C11orf42: variants seen among roughly 807,000 people sequenced by gnomAD.
The protein encoded by C11orf42 is chromosome 11 open reading frame 42.
Under a neutral mutation model 27.9 loss-of-function variants are expected in C11orf42, and 24 were observed. The ratio of observed to expected loss-of-function variants is 0.86; its 90% CI spans 0.62 to 1.21. The LOEUF is 1.21. Ranked by LOEUF, C11orf42 falls within the 50% of genes most tolerant of loss-of-function variation. The pLI, the probability that C11orf42 is intolerant of heterozygous loss-of-function variation, is 0.00. For missense variants in C11orf42, 455 were observed against 424.1 expected (o/e 1.07, Z -0.64); for synonymous variants, 187 against 180.8 (o/e 1.03, Z -0.28).
chr11:6,210,366 T>C lies in C11orf42; in HGVS notation c.589T>C (p.Cys197Arg). The C allele has an allele frequency of 1.2e-6, 2 of 1,614,200 alleles. No individual in the cohort carries two copies. The highest frequency in any genetic ancestry group is 1.7e-6 in the Non-Finnish European group (2 of 1,180,028). Residue 197 changes from cysteine (C) to arginine (R), a missense_variant, in exon 2 of 3, where the codon TGC becomes CGC. Cys to Arg is a radical substitution (Grantham distance 180, BLOSUM62 -3). Coordinates refer to ENST00000316375, the MANE Select transcript of C11orf42 (RefSeq NM_173525.3). The surrounding 1 kb of genome is among the most constrained non-coding windows in gnomAD (Gnocchi z 4.0). ...LLRSLPVAFSCLKFSLQSKGV... is the reference protein window; with the variant it reads ...LLRSLPVAFSRLKFSLQSKGV... ...TCGGTCATTACCTGTTGCCTTCTCC[T>C]GCCTCAAGTTTTCACTGCAGTCTAA...
intron 1 of C11orf42, among the ~76,000 whole-genome samples, chr11:6,207,217 G>C (rs1365422981): frequency 2.0e-5 from 3 of 152,144 alleles, no homozygotes; most frequent in Non-Finnish European, 4.4e-5. Flanking sequence ...CCCTAACAAA[G>C]AACCGAGCTC....
chr11:6,208,697 GA>G (rs1285289055), intron 1 of C11orf42, among the ~76,000 whole-genome samples: 1 of 152,142 alleles, frequency 6.6e-6, no homozygotes, highest in African/African-American at 2.4e-5. Context: ...AAAGTGCTGG[GA>G]TTATAGGCAT....
At chr11:6,206,029 G>A (rs1284598937) in intron 1 of C11orf42, among the ~76,000 whole-genome samples, 1 of 152,026 alleles carries the variant, frequency 6.6e-6, no homozygotes, top group African/African-American at 2.4e-5. Flanking sequence ...ACACAAAGAG[G>A]GAGAGGAGAA....
chr11:6,208,535 TCCTG>T (rs1305013703), intron 1 of C11orf42, among the ~76,000 whole-genome samples: 1 of 152,196 alleles, frequency 6.6e-6, no homozygotes, highest in African/African-American at 2.4e-5. Flanking sequence ...CAAGCAATTC[TCCTG>T]CCTCAGTATC....
Position 6,210,221 on chromosome 11 carries a change from G to C in C11orf42, c.444G>C (p.Gln148His), listed in dbSNP as rs1275720069. The part of the protein sequence containing the change: ...LLPPGQVSLQ[Q>H]TLPWLRSTHS... ...CACCAGGGCAGGTGAGCCTACAGCA[G>C]ACTCTTCCCTGGCTCCGAAGCACCC... Residue 148 changes from glutamine (Q) to histidine (H), a missense_variant, in exon 2 of 3, where the codon CAG becomes CAC. Physicochemically the swap from Gln to His is conservative, Grantham distance 24 (BLOSUM62 0). Transcript: ENST00000316375. This position sits in a 1 kb window ranked among gnomAD's most constrained non-coding sequence, Gnocchi z 4.0. 1 of 1,614,248 alleles carries C rather than the reference G, an allele frequency of 6.2e-7. No homozygotes were observed. The highest frequency in any genetic ancestry group is 1.7e-5 in the Admixed American group (1 of 60,036).
At chr11:6,208,004 G>A (rs930553241) in intron 1 of C11orf42, among the ~76,000 whole-genome samples, 2 of 152,182 alleles carry the variant, frequency 1.3e-5, no homozygotes, top group African/African-American at 4.8e-5. Flanking sequence ...GATGCCCAAA[G>A]AGGAAATTCT....
At position 6,210,778 on chromosome 11, in the gene C11orf42, G is replaced by A. The variant is rs745941217; in HGVS notation, c.871+130G>A. The A allele has an allele frequency of 1.3e-4, 180 of 1,385,734 alleles. No homozygotes were observed. Among genetic ancestry groups the A allele is most frequent in the Non-Finnish European group, 1.7e-4 (173 of 1,025,108 alleles). 85.8% of individuals were successfully genotyped at this position (1,385,734 alleles called of 1,614,324 possible). On this transcript the variant is annotated intron_variant, in intron 2 of 2. Coordinates refer to ENST00000316375, the MANE Select transcript of C11orf42 (RefSeq NM_173525.3). This position sits in a 1 kb window ranked among gnomAD's most constrained non-coding sequence, Gnocchi z 4.0. ...CTCTGGTGAAAGAGATGGAATGAGG[G>A]AGACTGGGGAGGGTGAGATGGAATG...
rs756239907 is a variant in C11orf42 at position 6,211,040 on chromosome 11, T to A, written c.1000T>A (p.Ter334ArgextTer2). The A allele has an allele frequency of 4.3e-6, 7 of 1,610,150 alleles. No individual in the cohort carries two copies. Among genetic ancestry groups the A allele is most frequent in the Non-Finnish European group, 5.9e-6 (7 of 1,178,768 alleles). ...ATCCTCAGAGTTCGACAGTGACGAC[T>A]GAAGCTGAAGCAAAAGATTCCGGGG... ...GLSSEFDSDD[*>R] Residue 334 changes from the stop codon to arginine, a stop_lost, in exon 3 of 3, where the codon TGA (stop) becomes AGA (arginine). Coordinates refer to ENST00000316375, the MANE Select transcript of C11orf42 (RefSeq NM_173525.3).
chr11:6,205,770 G>A (rs945717047), intron 1 of C11orf42, 83 bp downstream of exon 1: 1 of 1,139,170 alleles, frequency 8.8e-7, no homozygotes, highest in Non-Finnish European at 1.3e-6. Flanking sequence ...GGAAGGGGTG[G>A]GAAGTCTGAA....
chr11:6,209,250 G>T (rs552154785), intron 1 of C11orf42, among the ~76,000 whole-genome samples: 1 of 151,798 alleles, frequency 6.6e-6, no homozygotes, highest in East Asian at 1.9e-4. Flanking sequence ...AGGCCTTCAG[G>T]CGGCTTCCCA....
At chr11:6,208,709 G>A (rs11040804) in intron 1 of C11orf42, among the ~76,000 whole-genome samples, 25,600 of 152,170 alleles carry the variant, frequency 0.17, 2,677 homozygotes, top group Middle Eastern at 0.31. Flanking sequence ...TTATAGGCAT[G>A]AGCCAGGGTG....
At position 6,210,070 on chromosome 11, in the gene C11orf42, G is replaced by A. The variant is rs148934108; in HGVS notation, c.293G>A (p.Arg98Gln). The A allele has an allele frequency of 5.1e-5, 83 of 1,614,088 alleles. No homozygotes were observed. Among genetic ancestry groups the A allele is most frequent in the Non-Finnish European group, 5.7e-5 (67 of 1,180,052 alleles). The stretch of plus-strand genomic sequence containing the variant: ...GAGGGTGCCTTCGCCCACTGCACTC[G>A]GGAATACTCACCAAATGGCCGAGCA... ...GSEGAFAHCT[R>Q]EYSPNGRAER... The change falls in exon 2 of 3, where the codon CGG (arginine) becomes CAG (glutamine). Residue 98 changes from arginine (R) to glutamine (Q), a missense_variant. Coordinates refer to ENST00000316375, the MANE Select transcript of C11orf42 (RefSeq NM_173525.3). This position sits in a 1 kb window ranked among gnomAD's most constrained non-coding sequence, Gnocchi z 4.0.
Position 6,210,080 on chromosome 11 carries a change from A to G in C11orf42, c.303A>G (p.Ser101=). The stretch of plus-strand genomic sequence containing the variant: ...TCGCCCACTGCACTCGGGAATACTC[A>G]CCAAATGGCCGAGCAGAGAGAGCCT... ...GAFAHCTREY[S]PNGRAERAYE... is the part of the protein sequence containing the mutation. The change falls in exon 2 of 3, where the codon TCA becomes TCG. Residue 101 remains serine, a synonymous_variant. Coordinates refer to ENST00000316375, the MANE Select transcript of C11orf42 (RefSeq NM_173525.3). The surrounding 1 kb of genome is among the most constrained non-coding windows in gnomAD (Gnocchi z 4.0). 1 of 1,614,210 alleles carries G rather than the reference A, an allele frequency of 6.2e-7. No individual in the cohort carries two copies. Among genetic ancestry groups the G allele is most frequent in the Non-Finnish European group, 8.5e-7 (1 of 1,180,040 alleles).
rs771277597 is a variant in C11orf42, at chr11:6,210,905, C to T, written c.872-7C>T. 1 of 1,601,008 alleles carries T rather than the reference C, an allele frequency of 6.2e-7. No individual in the cohort carries two copies. Among genetic ancestry groups the T allele is most frequent in the East Asian group, 2.3e-5 (1 of 44,424 alleles). The stretch of plus-strand genomic sequence containing the variant: ...AGTCAAGCTGTGACTATCCCCAACC[C>T]TGGCAGAGAACTGGCTCTTCAGCCC... On this transcript the variant is annotated splice_polypyrimidine_tract_variant and splice_region_variant and intron_variant, in intron 2 of 2. Coordinates refer to ENST00000316375, the MANE Select transcript of C11orf42 (RefSeq NM_173525.3). This position sits in a 1 kb window ranked among gnomAD's most constrained non-coding sequence, Gnocchi z 4.0.
Position 6,210,188 on chromosome 11 carries a change from G to C in C11orf42, c.411G>C (p.Leu137=). 1.2e-6 allele frequency: 2 copies of C among 1,614,204 alleles called. No homozygotes were observed. The highest frequency in any genetic ancestry group is 1.7e-6 in the Non-Finnish European group (2 of 1,180,022). ...MGDLRKKVAF[L]LLPPGQVSLQ... ...ACCTGCGCAAGAAGGTTGCCTTCCTGTTGCTGCCACCAGGGCAGGTGAGCC... is the reference window on the plus strand; with the variant it reads ...ACCTGCGCAAGAAGGTTGCCTTCCTCTTGCTGCCACCAGGGCAGGTGAGCC... Residue 137 remains leucine (L), a synonymous_variant, in exon 2 of 3, where the codon CTG becomes CTC. Coordinates refer to ENST00000316375, the MANE Select transcript of C11orf42 (RefSeq NM_173525.3). The surrounding 1 kb of genome is among the most constrained non-coding windows in gnomAD (Gnocchi z 4.0).
chr11:6,206,161 A>AGGAGTT (rs1772411148), intron 1 of C11orf42, among the ~76,000 whole-genome samples: 1 of 152,096 alleles, frequency 6.6e-6, no homozygotes, highest in Admixed American at 6.5e-5. Context: ...AAAAAGAACA[A>AGGAGTT]CTCATATTTG....
In C11orf42 at chr11:6,208,181, GAAAC is replaced by G. The variant is rs200016275; in HGVS notation, c.73-1644_73-1641del. On this transcript the variant is annotated intron_variant, in intron 1 of 2. Coordinates refer to ENST00000316375, the MANE Select transcript of C11orf42 (RefSeq NM_173525.3). Reference sequence around the variant, plus strand: ...TTACCAACCCCAAAAAGGCCATGATGAAACAAACAAACAAACAAACAAACAAACC... The same window carrying G: ...TTACCAACCCCAAAAAGGCCATGATGAAACAAACAAACAAACAAACAAACC... Among the ~76,000 whole-genome samples, 673 of 151,626 alleles carry G rather than the reference GAAAC, an allele frequency of 4.4e-3. 2 individuals carry two copies. The highest frequency in any genetic ancestry group is 7.2e-3 in the Non-Finnish European group (490 of 67,866).
In C11orf42 at chr11:6,205,636, C is replaced by A. The variant is rs772128990; in HGVS notation, c.21C>A (p.Asn7Lys). 1 of 1,613,942 alleles carries A rather than the reference C, an allele frequency of 6.2e-7. No homozygotes were observed. Among genetic ancestry groups the A allele is most frequent in the Non-Finnish European group, 8.5e-7 (1 of 1,179,884 alleles). The stretch of plus-strand genomic sequence containing the variant: ...CCACCATGTTGGTGGGTACCCCCAA[C>A]CTGCTGACACTGGATGAAGCTGATG... MLVGTP[N>K]LLTLDEADAT... The change falls in exon 1 of 3, where the codon AAC (asparagine) becomes AAA (lysine). Residue 7 changes from asparagine to lysine, a missense_variant. Asn to Lys is a moderately conservative substitution (Grantham distance 94, BLOSUM62 0). Transcript: ENST00000316375.
chr11:6,209,551 A>G (rs1366363984), intron 1 of C11orf42, among the ~76,000 whole-genome samples: 1 of 152,058 alleles, frequency 6.6e-6, no homozygotes, highest in Non-Finnish European at 1.5e-5. Context: ...TCTCCTTCAC[A>G]CCTTGCTCTC....
Sources: allele counts gnomAD v4.1 joint callset (sites outside exome capture counted in the v4.1 genomes callset), GRCh38; gene constraint gnomAD v4.1.1; non-coding constraint Gnocchi (gnomAD v3.1); transcripts MANE v1.5; gene names NCBI Gene and HGNC (gene_info 2026-07-23, HGNC 2026-07-21).